Variants in SZT2 observed in about 807,000 individuals in gnomAD.
SZT2 encodes the protein SZT2 subunit of KICSTOR complex, also known as KICSTOR complex protein SZT2.
In SZT2, 216 loss-of-function variants were observed where a neutral mutation model predicts 404.2. The ratio of observed to expected loss-of-function variants is 0.53; its 90% CI spans 0.48 to 0.60. SZT2 has a LOEUF of 0.60. Among genes scored for constraint, SZT2 ranks in the 20% least tolerant of loss-of-function variants. SZT2 has a pLI of 0.00. For synonymous variants in SZT2, 1,693 were observed against 1,749.9 expected (o/e 0.97, Z 0.81); for missense variants, 3,857 against 4,459.2 (o/e 0.86, Z 3.85).
Position 43,427,524 on chromosome 1 carries a change from TCA to T in SZT2, c.3599-3_3599-2del. ...TGGAAGACCACGTGACACCTTTTCT[TCA>T]CAGACAATGCCCAGAATCAAGGAGA... On this transcript the variant is annotated splice_region_variant and splice_polypyrimidine_tract_variant and intron_variant, in intron 25 of 71. Coordinates refer to ENST00000634258, the MANE Select transcript of SZT2 (RefSeq NM_001365999.1). 6.2e-7 allele frequency: 1 copy of T among 1,614,150 alleles called. No homozygotes were observed. Among genetic ancestry groups the T allele is most frequent in the Non-Finnish European group, 8.5e-7 (1 of 1,179,970 alleles).
Position 43,450,198 on chromosome 1 carries a change from C to T in SZT2, c.10155+27C>T, listed in dbSNP as rs372723255. On this transcript the variant is annotated intron_variant, in intron 71 of 71. Transcript: ENST00000634258. This position sits in a 1 kb window ranked among gnomAD's most constrained non-coding sequence, Gnocchi z 4.3. Reference sequence around the variant, plus strand: ...TAAGAACGAGTGGGGGGCTTTGTGTCAGCCTCATGGGAGGCCGTACCCCAA... The same window carrying T: ...TAAGAACGAGTGGGGGGCTTTGTGTTAGCCTCATGGGAGGCCGTACCCCAA... The T allele has an allele frequency of 1.6e-5, 26 of 1,614,040 alleles. No individual in the cohort carries two copies. Among genetic ancestry groups the T allele is most frequent in the Middle Eastern group, 1.6e-4 (1 of 6,062 alleles).
In SZT2 at chr1:43,448,361, C is replaced by T. The variant is rs746865901; in HGVS notation, c.9846C>T (p.Leu3282=). The change falls in exon 69 of 72, where the codon CTC becomes CTT. Residue 3282 remains leucine (L), a synonymous_variant. Transcript: ENST00000634258. The surrounding 1 kb of genome is among the most constrained non-coding windows in gnomAD (Gnocchi z 4.2). ...GTCGGGACACCCTTTGGAAGCGCCT[C>T]TTCTTGCTGGAGCCACCGGGGCCTG... ...HCRRDTLWKR[L]FLLEPPGPDR... is the part of the protein sequence containing the mutation. 3.9e-6 allele frequency: 6 copies of T among 1,555,448 alleles called. No individual in the cohort carries two copies. Among genetic ancestry groups the T allele is most frequent in the African/African-American group, 1.4e-5 (1 of 73,178 alleles).
At position 43,440,694 on chromosome 1, in the gene SZT2, T is replaced by C. The variant is rs896407752; in HGVS notation, c.7344+108T>C. 17 of 1,401,340 alleles carry C rather than the reference T, an allele frequency of 1.2e-5. No individual in the cohort carries two copies. The Admixed American group carries it at 3.4e-4, about 28-fold the overall frequency. 86.8% of individuals were successfully genotyped at this position (1,401,340 alleles called of 1,614,324 possible). ...CCCCATAGGCCTTGCCACAGTGTCCTTTCATATAAAACTGCTCTGTCCTGC... is the reference window on the plus strand; with the variant it reads ...CCCCATAGGCCTTGCCACAGTGTCCCTTCATATAAAACTGCTCTGTCCTGC... On this transcript the variant is annotated intron_variant, in intron 52 of 71. Coordinates refer to ENST00000634258, the MANE Select transcript of SZT2 (RefSeq NM_001365999.1).
chr1:43,399,499 C>G (rs1029331542), intron 1 of SZT2, among the ~76,000 whole-genome samples: 70 of 135,150 alleles, frequency 5.2e-4, no homozygotes, highest in Admixed American at 2.6e-3. Flanking sequence ...GAGACGGAGT[C>G]TCGCTAGGCT....
rs755941713 is a variant in SZT2 at position 43,423,697 on chromosome 1, GA to G, written c.2255+383del. On this transcript the variant is annotated intron_variant, in intron 15 of 71. Transcript: ENST00000634258. ...GGGGTATGAGTGGTACAGAGTTGCA[GA>G]AGGGCGTGGCTTAGCGGGGTATGAG... 4.6e-3 allele frequency among the ~76,000 whole-genome samples: 690 copies of G among 150,904 alleles called. 4 individuals carry two copies. Among genetic ancestry groups the G allele is most frequent in the Non-Finnish European group, 6.7e-3 (454 of 67,640 alleles).
chr1:43,421,150 T>G (rs1364173233), intron 10 of SZT2, 24 bp from the exon 11 acceptor site: 9 of 1,597,940 alleles, frequency 5.6e-6, no homozygotes, highest in Non-Finnish European at 7.6e-6. Flanking sequence ...CAGATATGGC[T>G]CAGGCCTGGC....
Position 43,453,686 on chromosome 1 carries a change from C to T in SZT2, c.*3206C>T, listed in dbSNP as rs1656716726. ...GCGTCTCCGCGTACGGCCAGGCCAC[C>T]TCGACGGCCTCGAAGCCCGAGCTGC... On this transcript the variant is annotated 3_prime_UTR_variant, in exon 72 of 72. Coordinates refer to ENST00000634258, the MANE Select transcript of SZT2 (RefSeq NM_001365999.1). The T allele has an allele frequency of 1.4e-6, 2 of 1,453,820 alleles. No homozygotes were observed. Among genetic ancestry groups the T allele is most frequent in the Non-Finnish European group, 1.8e-6 (2 of 1,112,888 alleles). The allele number at this position is 1,453,820 out of a possible 1,614,324, so 90.1% of individuals were successfully genotyped here. A position where few individuals can be genotyped will look rare whatever the true frequency, so the allele number is the denominator to read the frequency against.
chr1:43,395,401 C>A (rs1300377361), intron 1 of SZT2, among the ~76,000 whole-genome samples: 1 of 152,064 alleles, frequency 6.6e-6, no homozygotes, highest in Non-Finnish European at 1.5e-5. Flanking sequence ...TGGGCTCAGG[C>A]GACCCTCCCA....
chr1:43,439,851 C>T lies in SZT2; in HGVS notation c.7043-30C>T. 1 of 1,570,654 alleles carries T rather than the reference C, an allele frequency of 6.4e-7. No individual in the cohort carries two copies. The highest frequency in any genetic ancestry group is 8.6e-7 in the Non-Finnish European group (1 of 1,157,812). On this transcript the variant is annotated intron_variant, in intron 50 of 71. Coordinates refer to ENST00000634258, the MANE Select transcript of SZT2 (RefSeq NM_001365999.1). This position sits in a 1 kb window ranked among gnomAD's most constrained non-coding sequence, Gnocchi z 4.2. ...TGGTGAGTAGAGTGGGATCTAGGGA[C>T]ACCCTCAAGTGTCCCTGTTCTCCTT... is the stretch of plus-strand genomic sequence containing the variant.
intron 7 of SZT2, among the ~76,000 whole-genome samples, chr1:43,418,101 A>C (rs1651914519): frequency 6.6e-6 from 1 of 152,198 alleles, no homozygotes; most frequent in Non-Finnish European, 1.5e-5. Flanking sequence ...GAGCCATTTT[A>C]GTGAAGAGGT....
In SZT2 at chr1:43,441,274, C is replaced by T. The variant is rs368814780; in HGVS notation, c.7405C>T (p.Arg2469Trp). Residue 2469 changes from arginine to tryptophan, a missense_variant, in exon 53 of 72, where the codon CGG (arginine) becomes TGG (tryptophan). By Grantham distance (101) the Arg-to-Trp change is moderately radical. Coordinates refer to ENST00000634258, the MANE Select transcript of SZT2 (RefSeq NM_001365999.1). This position sits in a 1 kb window ranked among gnomAD's most constrained non-coding sequence, Gnocchi z 4.8. ...AACAACTGATGACATTGTCCTGGAT[C>T]GGCCAGAAGACACTCGGGGCCGGAG... Reference protein sequence around the residue: ...PKTTDDIVLDRPEDTRGRRRH... With the variant: ...PKTTDDIVLDWPEDTRGRRRH... 12 of 1,614,112 alleles carry T rather than the reference C, an allele frequency of 7.4e-6. No individual in the cohort carries two copies. Among genetic ancestry groups the T allele is most frequent in the South Asian group, 1.1e-5 (1 of 91,090 alleles).
At chr1:43,418,507 G>C (rs1369910644) in intron 7 of SZT2, among the ~76,000 whole-genome samples, 1 of 152,200 alleles carries the variant, frequency 6.6e-6, no homozygotes, top group African/African-American at 2.4e-5. Flanking sequence ...GCTGAGTACT[G>C]TAAGGAAGAG....
At chr1:43,429,483 C>G in intron 28 of SZT2, 2 of 546,840 alleles carry the variant, frequency 3.7e-6, no homozygotes, top group Non-Finnish European at 6.5e-6. Context: ...GAGTAAGACT[C>G]TGTCCCAAAA....
At position 43,447,666 on chromosome 1, in the gene SZT2, CA is replaced by C; in HGVS notation, c.9410del (p.Asn3137ThrfsTer104). ...RMARPGGPEH[N>X]EYALVSAWHS... ...TGGCCCGGCCAGGGGGCCCAGAACA[CA>C]ACGAGTATGCCCTGGTGTCGGCATG... On this transcript the variant is annotated frameshift_variant, in exon 67 of 72. Coordinates refer to ENST00000634258, the MANE Select transcript of SZT2 (RefSeq NM_001365999.1). LOFTEE classifies it high-confidence loss of function. 1.9e-6 allele frequency: 3 copies of C among 1,614,134 alleles called. No homozygotes were observed. Among genetic ancestry groups the C allele is most frequent in the Non-Finnish European group, 2.5e-6 (3 of 1,180,002 alleles).
intron 7 of SZT2, among the ~76,000 whole-genome samples, chr1:43,416,895 A>C (rs1429107480): frequency 6.6e-6 from 1 of 152,234 alleles, no homozygotes; most frequent in Non-Finnish European, 1.5e-5. Flanking sequence ...AGTCATTTCC[A>C]GTCCCACCTC....
Position 43,426,931 on chromosome 1 carries a change from G to T in SZT2, c.3309+122G>T, listed in dbSNP as rs369744267. ...TGGCATCTGCCAATGACACAATGCC[G>T]TCATTTTCCATTGTCCTGGATCTTT... is the stretch of plus-strand genomic sequence containing the variant. On this transcript the variant is annotated intron_variant, in intron 23 of 71. Coordinates refer to ENST00000634258, the MANE Select transcript of SZT2 (RefSeq NM_001365999.1). The surrounding 1 kb of genome is among the most constrained non-coding windows in gnomAD (Gnocchi z 4.9). The T allele has an allele frequency of 1.3e-6, 2 of 1,555,684 alleles. No homozygotes were observed. Among genetic ancestry groups the T allele is most frequent in the South Asian group, 1.2e-5 (1 of 85,058 alleles).
intron 42 of SZT2, chr1:43,435,999 G>C (rs1348831869): frequency 6.6e-6 from 1 of 152,208 alleles, no homozygotes; most frequent in East Asian, 1.9e-4. Flanking sequence ...CTGATTGGCT[G>C]TTCCTCCAGA....
chr1:43,426,027 C>T lies in SZT2; in HGVS notation c.2930-11C>T, dbSNP rs1267814937. The stretch of plus-strand genomic sequence containing the variant: ...TGCGTCTCACTGTGTCCTGTCCTTC[C>T]TCCCTCGTAGGATTGGATCAGGGAG... On this transcript the variant is annotated splice_polypyrimidine_tract_variant and intron_variant, in intron 20 of 71. Transcript: ENST00000634258. This position sits in a 1 kb window ranked among gnomAD's most constrained non-coding sequence, Gnocchi z 4.9. The T allele has an allele frequency of 1.2e-6, 2 of 1,613,818 alleles. No individual in the cohort carries two copies. The highest frequency in any genetic ancestry group is 1.7e-6 in the Non-Finnish European group (2 of 1,179,876).
At position 43,428,250 on chromosome 1, in the gene SZT2, C is replaced by A; in HGVS notation, c.3930C>A (p.Arg1310=). The change falls in exon 28 of 72, where the codon CGC becomes CGA. Residue 1310 remains arginine, a synonymous_variant. Coordinates refer to ENST00000634258, the MANE Select transcript of SZT2 (RefSeq NM_001365999.1). ...TTCCACTTCCATCAGGGCTATTCCG[C>A]AGCTTGCAGCAAGCACAGAGTGTGA... ...AQRCYVRGLF[R]SLQQAQSVTS... 1.9e-6 allele frequency: 3 copies of A among 1,614,200 alleles called. No homozygotes were observed. The highest frequency in any genetic ancestry group is 2.5e-6 in the Non-Finnish European group (3 of 1,180,036).
Sources: allele counts gnomAD v4.1 joint callset (sites outside exome capture counted in the v4.1 genomes callset), GRCh38; gene constraint gnomAD v4.1.1; non-coding constraint Gnocchi (gnomAD v3.1); transcripts MANE v1.5; gene names NCBI Gene and HGNC (gene_info 2026-07-23, HGNC 2026-07-21).